TOPAZ1: variants seen among roughly 807,000 people sequenced by gnomAD.
TOPAZ1 encodes the protein testis and ovary specific TOPAZ 1.
A neutral mutation model predicts 172.2 loss-of-function variants in TOPAZ1; 66 were observed. The observed-to-expected ratio is 0.38, with a 90% CI of 0.31 to 0.47. The LOEUF is 0.47. TOPAZ1 is among the 20% of genes least tolerant of loss of function. The probability of loss-of-function intolerance (pLI) is 0.99; values close to 1 mark genes in which losing one functional copy is unlikely to be tolerated. For missense variants in TOPAZ1, 1,822 were observed against 1,972.4 expected, an observed-to-expected ratio of 0.92 and a Z score of 1.44; for synonymous variants, 681 against 683.9, an observed-to-expected ratio of 1.00 and a Z score of 0.07.
chr3:44,328,590 T>A (rs1352339012), intron 19 of TOPAZ1, among the ~76,000 whole-genome samples, 157 bp downstream of exon 19: 2 of 152,176 alleles, frequency 1.3e-5, no homozygotes, highest in Admixed American at 1.3e-4. Flanking sequence ...AACTCTGATA[T>A]CATTTAAACT....
chr3:44,280,376 G>T (rs555882086), intron 8 of TOPAZ1, among the ~76,000 whole-genome samples: 62 of 146,630 alleles, frequency 4.2e-4, no homozygotes, highest in African/African-American at 1.5e-3. Flanking sequence ...TTGAGACCGG[G>T]TCTTTCTCTG....
At chr3:44,328,538 T>A (rs1332144091) in intron 19 of TOPAZ1, 105 bp downstream of exon 19, 4 of 519,426 alleles carry the variant, frequency 7.7e-6, no homozygotes, top group Non-Finnish European at 1.3e-5. Flanking sequence ...CATATATATT[T>A]ATGTATATAT....
chr3:44,242,163 G>T lies in TOPAZ1; in HGVS notation c.110G>T (p.Gly37Val), dbSNP rs1559520871. 1 of 1,547,182 alleles carries T rather than the reference G, an allele frequency of 6.5e-7. No homozygotes were observed. Among genetic ancestry groups the T allele is most frequent in the Admixed American group, 2.0e-5 (1 of 50,066 alleles). The change falls in exon 1 of 20, where the codon GGC becomes GTC. Residue 37 changes from glycine (G) to valine (V), a missense_variant. Physicochemically the swap from Gly to Val is moderately radical, Grantham distance 109. Transcript: ENST00000309765. The stretch of plus-strand genomic sequence containing the variant: ...GGGCCAGGCGCGGCGGGAGGCTGTG[G>T]CCCTGAGGCCGGGGGGTGCCGGGAA... ...APGPGAAGGC[G>V]PEAGGCRENK...
At chr3:44,287,677 T>A in intron 10 of TOPAZ1, 70 bp from the exon 11 acceptor site, 1 of 1,083,908 alleles carries the variant, frequency 9.2e-7, no homozygotes, top group East Asian at 2.8e-5. Context: ...TCAACATAAA[T>A]GAATTTGAGA....
chr3:44,321,363 G>A (rs907380643), intron 17 of TOPAZ1, among the ~76,000 whole-genome samples, 172 bp downstream of exon 17: 9 of 152,010 alleles, frequency 5.9e-5, no homozygotes, highest in African/African-American at 2.2e-4. Flanking sequence ...TTTCCTGATG[G>A]TTTAAAAAAA....
rs71085612 is a variant in TOPAZ1 at position 44,269,471 on chromosome 3, C to CTTTTTTTTTTTTTTTTTT, written c.3246+184_3246+201dup. On this transcript the variant is annotated intron_variant, in intron 7 of 19. Transcript: ENST00000309765. ...CCTTTTGATTGTATTTCCCTATCAT[C>CTTTTTTTTTTTTTTTTTT]TTTTTTTTTTTTTTTTTTTTTTTTT... Among the ~76,000 whole-genome samples the CTTTTTTTTTTTTTTTTTT allele has an allele frequency of 5.5e-3, 188 of 33,936 alleles. 21 individuals are homozygous for CTTTTTTTTTTTTTTTTTT. The highest frequency in any genetic ancestry group is 7.4e-3 in the African/African-American group (45 of 6,122). The allele number at this position is 33,936 out of a possible 152,430, so 22.3% of individuals were successfully genotyped here.
At chr3:44,276,922 CTGG>C (rs1280133948) in intron 8 of TOPAZ1, among the ~76,000 whole-genome samples, 1 of 151,936 alleles carries the variant, frequency 6.6e-6, no homozygotes, top group Non-Finnish European at 1.5e-5. Context: ...TCCTGAGTAG[CTGG>C]GACTACAGCC....
At chr3:44,303,984 T>C in intron 12 of TOPAZ1, 31 bp from the exon 13 acceptor site, 1 of 1,334,036 alleles carries the variant, frequency 7.5e-7, no homozygotes, top group African/African-American at 1.5e-5. Flanking sequence ...GGGGTGAATA[T>C]AGTATAATTA....
intron 17 of TOPAZ1, 22 bp downstream of exon 17, chr3:44,321,213 C>T: frequency 2.6e-6 from 4 of 1,510,756 alleles, no homozygotes; most frequent in Non-Finnish European, 3.6e-6. Context: ...AAAAGTCTAT[C>T]TTAATTATCT....
Position 44,287,830 on chromosome 3 carries a change from C to T in TOPAZ1, c.3672C>T (p.Ile1224=). ...LRNAVPALID[I]FCKLVEAGMV... ...ATGCTGTACCTGCTTTAATTGATATCTTTTGCAAGGTATGGTTTTATTTTC... is the reference window on the plus strand; with the variant it reads ...ATGCTGTACCTGCTTTAATTGATATTTTTTGCAAGGTATGGTTTTATTTTC... Residue 1224 remains isoleucine, a synonymous_variant, in exon 11 of 20, where the codon ATC becomes ATT. Coordinates refer to ENST00000309765, the MANE Select transcript of TOPAZ1 (RefSeq NM_001145030.2). 1 of 1,421,246 alleles carries T rather than the reference C, an allele frequency of 7.0e-7. No homozygotes were observed. Among genetic ancestry groups the T allele is most frequent in the East Asian group, 2.6e-5 (1 of 38,684 alleles). 88.0% of individuals were successfully genotyped at this position (1,421,246 alleles called of 1,614,324 possible). A position where few individuals can be genotyped will look rare whatever the true frequency, so the allele number is the denominator to read the frequency against.
Position 44,287,519 on chromosome 3 carries a change from C to T in TOPAZ1, c.3567C>T (p.Leu1189=), listed in dbSNP as rs1460849745. ...LLKEVFQIVN[L]SIMVKMLPSL... ...AAGAAGTATTTCAGATAGTGAACCT[C>T]AGCATAATGGTTAAAATGCTGGTAA... Residue 1189 remains leucine (L), a synonymous_variant, in exon 10 of 20, where the codon CTC becomes CTT. Coordinates refer to ENST00000309765, the MANE Select transcript of TOPAZ1 (RefSeq NM_001145030.2). 1 of 1,507,090 alleles carries T rather than the reference C, an allele frequency of 6.6e-7. No homozygotes were observed. The highest frequency in any genetic ancestry group is 8.9e-7 in the Non-Finnish European group (1 of 1,128,940). 93.4% of individuals were successfully genotyped at this position (1,507,090 alleles called of 1,614,324 possible).
At position 44,243,148 on chromosome 3, in the gene TOPAZ1, G is replaced by A. The variant is rs570005183; in HGVS notation, c.642G>A (p.Leu214=). Residue 214 remains leucine, a synonymous_variant, in exon 2 of 20, where the codon TTG becomes TTA. Coordinates refer to ENST00000309765, the MANE Select transcript of TOPAZ1 (RefSeq NM_001145030.2). ...KNTPKYSCNI[L]SPEVENNSVL... ...CTCCAAAATATTCTTGTAATATCTT[G>A]TCACCTGAAGTAGAAAATAATTCCG... 21 of 1,549,586 alleles carry A rather than the reference G, an allele frequency of 1.4e-5. No individual in the cohort carries two copies. The African/African-American group carries it at 2.7e-4, about 20-fold the overall frequency.
At chr3:44,287,636 T>C (rs933039349) in intron 10 of TOPAZ1, 96 bp downstream of exon 10, 2 of 1,069,976 alleles carry the variant, frequency 1.9e-6, no homozygotes, top group African/African-American at 1.7e-5. Flanking sequence ...TCTGTATTTG[T>C]TGAATACTTC....
At chr3:44,332,373 G>A (rs1354987687), downstream of TOPAZ1, among the ~76,000 whole-genome samples, 2 of 152,114 alleles carry the variant, frequency 1.3e-5, no homozygotes, top group African/African-American at 2.4e-5. Context: ...GTATGAAATA[G>A]GTTTAGTGTG....
chr3:44,321,172 A>G lies in TOPAZ1; in HGVS notation c.4452A>G (p.Pro1484=). 1 of 1,542,730 alleles carries G rather than the reference A, an allele frequency of 6.5e-7. No individual in the cohort carries two copies. The highest frequency in any genetic ancestry group is 1.2e-5 in the South Asian group (1 of 81,706). The part of the protein sequence containing the change: ...RQTFEVLQNL[P]GFQNSQETVE... ...CATTTGAAGTTTTGCAGAATCTACC[A>G]GGTTTTCAAAATTCCCAAGGTATGT... The change falls in exon 17 of 20, where the codon CCA becomes CCG. Residue 1484 remains proline (P), a synonymous_variant. Coordinates refer to ENST00000309765, the MANE Select transcript of TOPAZ1 (RefSeq NM_001145030.2).
At chr3:44,265,671 TG>T (rs1699822769) in intron 5 of TOPAZ1, among the ~76,000 whole-genome samples, 1 of 152,268 alleles carries the variant, frequency 6.6e-6, no homozygotes, top group Non-Finnish European at 1.5e-5. Flanking sequence ...GGAATCTTTT[TG>T]AGCAATAGCT....
At chr3:44,305,359 G>T in intron 14 of TOPAZ1, 38 bp downstream of exon 14, 2 of 1,465,982 alleles carry the variant, frequency 1.4e-6, no homozygotes, top group South Asian at 1.4e-5. Context: ...TGTGTATGAG[G>T]ATGGTGCAGT....
chr3:44,264,581 A>T (rs2129955), intron 5 of TOPAZ1, among the ~76,000 whole-genome samples: 70,088 of 152,028 alleles, frequency 0.46, 17,384 homozygotes, highest in East Asian at 0.81. Context: ...TGGCTGTGGC[A>T]ATTTCTTAAA....
chr3:44,312,578 A>G (rs1700408533), intron 16 of TOPAZ1, among the ~76,000 whole-genome samples: 1 of 152,342 alleles, frequency 6.6e-6, no homozygotes, highest in East Asian at 1.9e-4. Flanking sequence ...TTTGATGGCG[A>G]GAACAAATCT....
Sources: allele counts gnomAD v4.1 joint callset (sites outside exome capture counted in the v4.1 genomes callset), GRCh38; gene constraint gnomAD v4.1.1; transcripts MANE v1.5; gene names NCBI Gene and HGNC (gene_info 2026-07-23, HGNC 2026-07-21).